Variants in GALNTL6 observed in about 807,000 individuals in gnomAD.
GALNTL6 encodes polypeptide N-acetylgalactosaminyltransferase-like 6.
Under a neutral mutation model 73.7 loss-of-function variants are expected in GALNTL6, and 46 were observed. That is an observed-to-expected ratio of 0.62 (90% CI 0.49 to 0.80). GALNTL6 has a LOEUF of 0.80. Among genes scored for constraint, GALNTL6 ranks in the 30% least tolerant of loss-of-function variants. The pLI is 0.00. For missense variants in GALNTL6, 604 were observed against 755.0 expected, an observed-to-expected ratio of 0.80 and a Z score of 2.34; for synonymous variants, 259 against 263.7, an observed-to-expected ratio of 0.98 and a Z score of 0.17.
intron 2 of GALNTL6, among the ~76,000 whole-genome samples, chr4:172,179,631 C>G (rs997566704): frequency 6.8e-6 from 1 of 146,636 alleles, no homozygotes; most frequent in Non-Finnish European, 1.5e-5. Flanking sequence ...ATGGTAGTTT[C>G]TTTTGCTGTG....
chr4:172,886,270 GGTT>G (rs902111322), intron 8 of GALNTL6, among the ~76,000 whole-genome samples: 1 of 152,046 alleles, frequency 6.6e-6, no homozygotes, highest in Non-Finnish European at 1.5e-5. Context: ...AATCTTCATA[GGTT>G]GTGTATTTAC....
chr4:171,935,537 T>C (rs1026639355), intron 2 of GALNTL6, among the ~76,000 whole-genome samples: 3 of 152,146 alleles, frequency 2.0e-5, no homozygotes, highest in Admixed American at 6.6e-5. Context: ...GGCATGATCA[T>C]AGTTCATTGT....
intron 2 of GALNTL6, among the ~76,000 whole-genome samples, chr4:172,218,433 C>G (rs1388681532): frequency 6.6e-6 from 1 of 152,076 alleles, no homozygotes; most frequent in East Asian, 1.9e-4. Flanking sequence ...TGGGGGCTCC[C>G]TAAGACTATT....
chr4:172,409,174 C>T (rs1431232255), intron 5 of GALNTL6, among the ~76,000 whole-genome samples: 1 of 152,030 alleles, frequency 6.6e-6, no homozygotes, highest in East Asian at 1.9e-4. Context: ...ATTTTCAAAA[C>T]ATGTATTTCA....
At chr4:171,885,506 G>A (rs976780940) in intron 2 of GALNTL6, among the ~76,000 whole-genome samples, 1 of 152,204 alleles carries the variant, frequency 6.6e-6, no homozygotes, top group East Asian at 1.9e-4. Flanking sequence ...TTCATTTGTT[G>A]TGCAGATGAA....
intron 2 of GALNTL6, among the ~76,000 whole-genome samples, chr4:171,857,599 A>T (rs572113545): frequency 4.8e-4 from 73 of 152,306 alleles, no homozygotes; most frequent in African/African-American, 1.8e-3. Flanking sequence ...TTGATTCATC[A>T]AAATGAGAGA....
At chr4:172,192,765 A>C (rs1241929107) in intron 2 of GALNTL6, among the ~76,000 whole-genome samples, 1 of 152,152 alleles carries the variant, frequency 6.6e-6, no homozygotes, top group African/African-American at 2.4e-5. Context: ...CTCAGGTTGC[A>C]ACCAGCGGCA....
intron 2 of GALNTL6, among the ~76,000 whole-genome samples, chr4:172,034,508 T>C (rs1360312605): frequency 6.6e-6 from 1 of 151,646 alleles, no homozygotes; most frequent in Non-Finnish European, 1.5e-5. Flanking sequence ...ATATTCAGCA[T>C]ATATACTGTG....
intron 2 of GALNTL6, among the ~76,000 whole-genome samples, chr4:171,964,692 C>T (rs1739333595): frequency 6.6e-6 from 1 of 152,164 alleles, no homozygotes; most frequent in African/African-American, 2.4e-5. Flanking sequence ...TAAAGTTGAA[C>T]AGTTGGTCTA....
At chr4:172,284,650 T>C (rs1739186173) in intron 3 of GALNTL6, among the ~76,000 whole-genome samples, 1 of 152,172 alleles carries the variant, frequency 6.6e-6, no homozygotes, top group African/African-American at 2.4e-5. Flanking sequence ...ATCCATTTTG[T>C]GTTGATTTTT....
intron 5 of GALNTL6, among the ~76,000 whole-genome samples, chr4:172,460,672 A>G (rs919242093): frequency 6.6e-5 from 10 of 152,234 alleles, no homozygotes; most frequent in Admixed American, 1.3e-4. Flanking sequence ...GTGAGATACC[A>G]TCTCATGCCA....
chr4:172,767,281 T>G (rs2110849146), intron 5 of GALNTL6, among the ~76,000 whole-genome samples: 1 of 152,262 alleles, frequency 6.6e-6, no homozygotes, highest in East Asian at 1.9e-4. Context: ...GAAAAATGAA[T>G]GAAAATATAT....
chr4:172,387,732 A>G (rs1474707622), intron 5 of GALNTL6, among the ~76,000 whole-genome samples: 2 of 152,122 alleles, frequency 1.3e-5, no homozygotes, highest in Admixed American at 6.5e-5. Context: ...TAAGCAGTCC[A>G]TGATCTTGTC....
Position 172,570,689 on chromosome 4 carries a change from C to T in GALNTL6, c.553+222000C>T, listed in dbSNP as rs187307397. On this transcript the variant is annotated intron_variant, in intron 5 of 12. Coordinates refer to ENST00000506823, the MANE Select transcript of GALNTL6 (RefSeq NM_001034845.3). ...TCACAGACCAGTGGTGGGGGTGGTG[C>T]GGGGATGGTTTCAGGATAATTCAAA... Among the ~76,000 whole-genome samples the T allele has an allele frequency of 2.2e-3, 330 of 152,000 alleles. 1 individual carries two copies. The highest frequency in any genetic ancestry group is 4.1e-3 in the Non-Finnish European group (276 of 67,954).
chr4:172,529,803 A>T (rs553647618), intron 5 of GALNTL6, among the ~76,000 whole-genome samples: 1 of 152,008 alleles, frequency 6.6e-6, no homozygotes, highest in African/African-American at 2.4e-5. Flanking sequence ...CTCCTGCCTC[A>T]GCCTCCCAAG....
At chr4:172,096,143 G>A (rs1003378100) in intron 2 of GALNTL6, among the ~76,000 whole-genome samples, 9 of 149,624 alleles carry the variant, frequency 6.0e-5, no homozygotes, top group South Asian at 4.2e-4. Context: ...TTATTCTGTT[G>A]CCCAGGCTGG....
At chr4:172,104,246 G>A (rs1208462504) in intron 2 of GALNTL6, among the ~76,000 whole-genome samples, 2 of 152,020 alleles carry the variant, frequency 1.3e-5, no homozygotes, top group Non-Finnish European at 2.9e-5. Context: ...CCCGGCCTGG[G>A]GCAGGTTTTT....
chr4:173,016,869 T>C (rs1752804116), intron 11 of GALNTL6, among the ~76,000 whole-genome samples: 1 of 152,176 alleles, frequency 6.6e-6, no homozygotes, highest in Non-Finnish European at 1.5e-5. Context: ...AAATCTCATC[T>C]TGAATTGTAG....
rs138616154 is a variant in GALNTL6 at position 172,436,981 on chromosome 4, C to T, written c.553+88292C>T. 2.9e-3 allele frequency among the ~76,000 whole-genome samples: 445 copies of T among 152,136 alleles called. 1 individual carries two copies. The highest frequency in any genetic ancestry group is 0.01 in the African/African-American group (419 of 41,520). On this transcript the variant is annotated intron_variant, in intron 5 of 12. Coordinates refer to ENST00000506823, the MANE Select transcript of GALNTL6 (RefSeq NM_001034845.3). ...CTTTTTTCAGTACTTTATTTCCATA[C>T]GGTAAACTACCCCAATCTTCACACA...
Sources: allele counts gnomAD v4.1 joint callset (sites outside exome capture counted in the v4.1 genomes callset), GRCh38; gene constraint gnomAD v4.1.1; transcripts MANE v1.5; gene names NCBI Gene and HGNC (gene_info 2026-07-23, HGNC 2026-07-21).